Variants in GPRIN3 observed in about 807,000 individuals in gnomAD.
The protein encoded by GPRIN3 is GPRIN family member 3.
A neutral mutation model predicts 13.7 loss-of-function variants in GPRIN3; 12 were observed. The ratio of observed to expected loss-of-function variants is 0.87; its 90% CI spans 0.56 to 1.42. The LOEUF is 1.42. GPRIN3 is among the 40% of genes most tolerant of loss of function. The pLI is 0.00. For synonymous variants in GPRIN3, 377 were observed against 372.7 expected, an observed-to-expected ratio of 1.01 and a Z score of -0.13; for missense variants, 1,009 against 958.7, an observed-to-expected ratio of 1.05 and a Z score of -0.69.
intron 1 of GPRIN3, among the ~76,000 whole-genome samples, chr4:89,261,889 A>G (rs753802085): frequency 3.5e-4 from 53 of 152,056 alleles, no homozygotes; most frequent in Non-Finnish European, 1.2e-4. Flanking sequence ...AGGGGGGTGG[A>G]TAGCCTGAGC....
intron 1 of GPRIN3, among the ~76,000 whole-genome samples, chr4:89,295,396 C>T (rs1392996360): frequency 6.6e-6 from 1 of 152,112 alleles, no homozygotes; most frequent in African/African-American, 2.4e-5. Flanking sequence ...GAAACACAGA[C>T]AAATATATTC....
At chr4:89,289,834 C>T (rs1237744990) in intron 1 of GPRIN3, among the ~76,000 whole-genome samples, 1 of 152,072 alleles carries the variant, frequency 6.6e-6, no homozygotes, top group Non-Finnish European at 1.5e-5. Context: ...TTTTAAAACA[C>T]AGATCTGATC....
At chr4:89,265,351 T>C (rs919961338) in intron 1 of GPRIN3, among the ~76,000 whole-genome samples, 28 of 152,206 alleles carry the variant, frequency 1.8e-4, no homozygotes, top group African/African-American at 6.0e-4. Flanking sequence ...TGTTTGTAGA[T>C]AGGGTACATC....
At chr4:89,257,489 A>G (rs1050046600) in intron 1 of GPRIN3, among the ~76,000 whole-genome samples, 4 of 152,210 alleles carry the variant, frequency 2.6e-5, no homozygotes, top group South Asian at 2.1e-4. Flanking sequence ...TGCTTTCTCT[A>G]TTGCAGACAC....
intron 1 of GPRIN3, among the ~76,000 whole-genome samples, chr4:89,296,046 A>C (rs1257588611): frequency 6.6e-6 from 1 of 152,180 alleles, no homozygotes; most frequent in Non-Finnish European, 1.5e-5. Flanking sequence ...ATAAGTATTA[A>C]AATCCAAAGC....
At chr4:89,290,970 C>T (rs1310891901) in intron 1 of GPRIN3, among the ~76,000 whole-genome samples, 1 of 152,116 alleles carries the variant, frequency 6.6e-6, no homozygotes, top group Admixed American at 6.5e-5. Context: ...CATCCAGGGT[C>T]CCATGATACT....
chr4:89,245,205 T>C lies in GPRIN3; in HGVS notation c.*2575A>G, dbSNP rs1159776914. On this transcript the variant is annotated 3_prime_UTR_variant, in exon 2 of 2. Transcript: ENST00000609438. ...ATTTATCCATCTGAAGATATATTTC[T>C]GTTAATGTCCTTAAAAGCTGTTAGT... is the stretch of plus-strand genomic sequence containing the variant. The C allele has an allele frequency of 6.6e-6, 1 of 152,240 alleles. No individual in the cohort carries two copies. Among genetic ancestry groups the C allele is most frequent in the Non-Finnish European group, 1.5e-5 (1 of 68,054 alleles). The allele number at this position is 152,240 out of a possible 1,614,324, so 9.4% of individuals were successfully genotyped here. A position where few individuals can be genotyped will look rare whatever the true frequency, so the allele number is the denominator to read the frequency against.
intron 1 of GPRIN3, among the ~76,000 whole-genome samples, chr4:89,261,020 G>T (rs1258017434): frequency 6.6e-6 from 1 of 151,552 alleles, no homozygotes; most frequent in South Asian, 2.1e-4. Flanking sequence ...CACAACCCCC[G>T]CCCCCCAATG....
Position 89,237,676 on chromosome 4 carries a change from A to G in GPRIN3, c.*10104T>C, listed in dbSNP as rs1455114724. The G allele has an allele frequency of 1.3e-5, 2 of 152,172 alleles. No homozygotes were observed. Among genetic ancestry groups the G allele is most frequent in the African/African-American group, 4.8e-5 (2 of 41,444 alleles). The allele number at this position is 152,172 out of a possible 1,614,324, so 9.4% of individuals were successfully genotyped here. A position where few individuals can be genotyped will look rare whatever the true frequency, so the allele number is the denominator to read the frequency against. Reference sequence around the variant, plus strand: ...TTATTTACAAGCCTCCCAGTTTATGATACTTTATTATAGCAGCCCAGATAA... The same window carrying G: ...TTATTTACAAGCCTCCCAGTTTATGGTACTTTATTATAGCAGCCCAGATAA... On this transcript the variant is annotated 3_prime_UTR_variant, in exon 2 of 2. Transcript: ENST00000609438.
chr4:89,239,639 A>G lies in GPRIN3; in HGVS notation c.*8141T>C, dbSNP rs958407234. 1 of 152,106 alleles carries G rather than the reference A, an allele frequency of 6.6e-6. No homozygotes were observed. Among genetic ancestry groups the G allele is most frequent in the African/African-American group, 2.4e-5 (1 of 41,422 alleles). The allele number at this position is 152,106 out of a possible 1,614,324, so 9.4% of individuals were successfully genotyped here. Reference sequence around the variant, plus strand: ...CTTTGCCAAATGGAATTCTCTATCAAGGGGTGATTCTGGTATTTCCATTTA... The same window carrying G: ...CTTTGCCAAATGGAATTCTCTATCAGGGGGTGATTCTGGTATTTCCATTTA... On this transcript the variant is annotated 3_prime_UTR_variant, in exon 2 of 2. Transcript: ENST00000609438.
chr4:89,250,238 G>A lies in GPRIN3; in HGVS notation c.-123-5C>T. 6.7e-7 allele frequency: 1 copy of A among 1,492,730 alleles called. No homozygotes were observed. Among genetic ancestry groups the A allele is most frequent in the Non-Finnish European group, 8.9e-7 (1 of 1,121,092 alleles). 92.5% of individuals were successfully genotyped at this position (1,492,730 alleles called of 1,614,324 possible). A position where few individuals can be genotyped will look rare whatever the true frequency, so the allele number is the denominator to read the frequency against. Reference sequence around the variant, plus strand: ...TGATTCCTCTGAAGAACCAGCCTGTGAATCAAGGAAACAGCATCATTAATA... The same window carrying A: ...TGATTCCTCTGAAGAACCAGCCTGTAAATCAAGGAAACAGCATCATTAATA... On this transcript the variant is annotated splice_region_variant and splice_polypyrimidine_tract_variant and intron_variant, in intron 1 of 1. Transcript: ENST00000609438.
chr4:89,267,370 A>G (rs1402723346), intron 1 of GPRIN3, among the ~76,000 whole-genome samples: 1 of 152,116 alleles, frequency 6.6e-6, no homozygotes, highest in Non-Finnish European at 1.5e-5. Context: ...ACTTTGTTTA[A>G]ACCAGTTCTA....
rs1421627133 is a variant in GPRIN3, at chr4:89,239,562, A to G, written c.*8218T>C. ...GGCACATTCGTTCTCTAAAACATGA[A>G]TATGTTTTTAAATGTTATTCTTAAC... On this transcript the variant is annotated 3_prime_UTR_variant, in exon 2 of 2. Transcript: ENST00000609438. 1.3e-5 allele frequency: 2 copies of G among 152,210 alleles called. No homozygotes were observed. The highest frequency in any genetic ancestry group is 2.4e-5 in the African/African-American group (1 of 41,458). The allele number at this position is 152,210 out of a possible 1,614,324, so 9.4% of individuals were successfully genotyped here.
intron 1 of GPRIN3, among the ~76,000 whole-genome samples, chr4:89,272,673 T>C (rs746898743): frequency 7.2e-5 from 11 of 152,134 alleles, no homozygotes; most frequent in Non-Finnish European, 1.0e-4. Context: ...GCTACACCAG[T>C]GGATTTCATG....
rs1328778553 is a variant in GPRIN3 at position 89,246,216 on chromosome 4, T to C, written c.*1564A>G. On this transcript the variant is annotated 3_prime_UTR_variant, in exon 2 of 2. Transcript: ENST00000609438. ...CATGAGTCTCTAGAGAGAATACCTA[T>C]GGTTAGGTACTCTTTTCTAGCTCAT... is the stretch of plus-strand genomic sequence containing the variant. 2.6e-5 allele frequency: 4 copies of C among 152,192 alleles called. No homozygotes were observed. The highest frequency in any genetic ancestry group is 2.1e-4 in the South Asian group (1 of 4,832). 9.4% of individuals were successfully genotyped at this position (152,192 alleles called of 1,614,324 possible).
At position 89,244,260 on chromosome 4, in the gene GPRIN3, G is replaced by A. The variant is rs1723025409; in HGVS notation, c.*3520C>T. ...TTTGGTTCTGAAATCCAACCTCTAA[G>A]GTATATGTTACACATGCATATTTAG... On this transcript the variant is annotated 3_prime_UTR_variant, in exon 2 of 2. Transcript: ENST00000609438. 6.6e-6 allele frequency: 1 copy of A among 151,824 alleles called. No homozygotes were observed. The allele number at this position is 151,824 out of a possible 1,614,324, so 9.4% of individuals were successfully genotyped here. A position where few individuals can be genotyped will look rare whatever the true frequency, so the allele number is the denominator to read the frequency against.
chr4:89,279,364 T>C (rs1261516300), intron 1 of GPRIN3, among the ~76,000 whole-genome samples: 5 of 152,176 alleles, frequency 3.3e-5, no homozygotes, highest in Non-Finnish European at 7.4e-5. Context: ...AACTGCTCTA[T>C]AGAGCCCATG....
intron 1 of GPRIN3, among the ~76,000 whole-genome samples, chr4:89,302,968 A>G (rs972140975): frequency 3.3e-5 from 5 of 152,212 alleles, no homozygotes; most frequent in African/African-American, 1.2e-4. Flanking sequence ...TTTAAGGTAT[A>G]GCTTCATTTA....
chr4:89,275,395 A>G (rs994993580), intron 1 of GPRIN3, among the ~76,000 whole-genome samples: 1 of 152,070 alleles, frequency 6.6e-6, no homozygotes, highest in African/African-American at 2.4e-5. Flanking sequence ...AAATAATAGT[A>G]CCCTGTCGAG....
Sources: gnomAD v4.1 joint callset for allele counts (sites outside exome capture counted in the v4.1 genomes callset) on GRCh38, gnomAD v4.1.1 for gene constraint, MANE v1.5 for transcripts, NCBI Gene and HGNC (gene_info 2026-07-23, HGNC 2026-07-21) for gene names.